Variants in ACRBP observed in about 807,000 individuals in gnomAD.
The protein encoded by ACRBP is acrosin binding protein.
In ACRBP, 52 loss-of-function variants were observed where a neutral mutation model predicts 69.0. That is an observed-to-expected ratio of 0.75 (90% confidence interval 0.60 to 0.95). The LOEUF (loss-of-function observed/expected upper bound fraction) is 0.95, where lower values mean the gene tolerates loss of function less well. ACRBP is among the 40% of genes least tolerant of loss of function. The pLI, the probability that ACRBP is intolerant of heterozygous loss-of-function variation, is 0.00. For missense variants in ACRBP, 604 were observed against 673.0 expected (o/e 0.90, Z 1.13); for synonymous variants, 267 against 258.9 (o/e 1.03, Z -0.30).
At chr12:6,646,407 C>A in intron 3 of ACRBP, 76 bp downstream of exon 3, 1 of 1,373,302 alleles carries the variant, frequency 7.3e-7, no homozygotes, top group East Asian at 2.3e-5. Flanking sequence ...TCCTGGAACC[C>A]TTCCTCAACT....
At position 6,638,943 on chromosome 12, in the gene ACRBP, G is replaced by T; in HGVS notation, c.1509+11C>A. 1 of 1,613,350 alleles carries T rather than the reference G, an allele frequency of 6.2e-7. No individual in the cohort carries two copies. Among genetic ancestry groups the T allele is most frequent in the Non-Finnish European group, 8.5e-7 (1 of 1,179,552 alleles). The stretch of plus-strand genomic sequence containing the variant: ...TGCTGGGAGAAGGAGGGGCAGGGCA[G>T]GGGTGCTCACCTTCCGATTGCGGTT... On this transcript the variant is annotated intron_variant, in intron 9 of 9. Transcript: ENST00000229243.
chr12:6,640,337 A>G lies in ACRBP; in HGVS notation c.1257+6T>C. 6.2e-7 allele frequency: 1 copy of G among 1,613,992 alleles called. No individual in the cohort carries two copies. The highest frequency in any genetic ancestry group is 8.5e-7 in the Non-Finnish European group (1 of 1,179,978). On this transcript the variant is annotated splice_donor_region_variant and intron_variant, in intron 7 of 9. Transcript: ENST00000229243. The surrounding 1 kb of genome is among the most constrained non-coding windows in gnomAD (Gnocchi z 5.3). ...CTTTCCCACTGCGGGCTGCCGGGCTAGATACCTGGTTGCCGATGGACAGGC... is the reference window on the plus strand; with the variant it reads ...CTTTCCCACTGCGGGCTGCCGGGCTGGATACCTGGTTGCCGATGGACAGGC...
intron 6 of ACRBP, among the ~76,000 whole-genome samples, chr12:6,641,197 G>C (rs1166748184): frequency 2.0e-5 from 3 of 152,176 alleles, no homozygotes; most frequent in Non-Finnish European, 4.4e-5. Flanking sequence ...GTTCTTGGAA[G>C]CTATTCTTCA....
In ACRBP at chr12:6,645,213, G is replaced by A. The variant is rs1949079097; in HGVS notation, c.475+7C>T. The A allele has an allele frequency of 8.1e-6, 13 of 1,599,408 alleles. No individual in the cohort carries two copies. The highest frequency in any genetic ancestry group is 1.1e-5 in the Non-Finnish European group (13 of 1,167,522). On this transcript the variant is annotated splice_region_variant and intron_variant, in intron 4 of 9. Transcript: ENST00000229243. Reference sequence around the variant, plus strand: ...TGGTGGTCTCCCGGCTGCTGAGAGGGTCTCACCTGTGAAGTGGGGTGAGAT... The same window carrying A: ...TGGTGGTCTCCCGGCTGCTGAGAGGATCTCACCTGTGAAGTGGGGTGAGAT...
chr12:6,640,665 C>G lies in ACRBP; in HGVS notation c.1078-143G>C, dbSNP rs145402417. On this transcript the variant is annotated intron_variant, in intron 6 of 9. Transcript: ENST00000229243. This position sits in a 1 kb window ranked among gnomAD's most constrained non-coding sequence, Gnocchi z 5.3. ...CTTCTCTGGGTTTTCTACTTGGCCTCCTCCCCAAGGGTTCCTCAAGGACCT... is the reference window on the plus strand; with the variant it reads ...CTTCTCTGGGTTTTCTACTTGGCCTGCTCCCCAAGGGTTCCTCAAGGACCT... 4.6e-5 allele frequency: 41 copies of G among 895,492 alleles called. No homozygotes were observed. The Middle Eastern group carries it at 1.1e-3, about 23-fold the overall frequency. 55.5% of individuals were successfully genotyped at this position (895,492 alleles called of 1,614,324 possible). A position where few individuals can be genotyped will look rare whatever the true frequency, so the allele number is the denominator to read the frequency against.
Position 6,646,522 on chromosome 12 carries a change from G to A in ACRBP, c.318C>T (p.Phe106=), listed in dbSNP as rs144674361. ...CGTGGTTGGAGCAACGGTAGTGAGTGAACTGGCAGAAAGACTCAAACCAGG... is the reference window on the plus strand; with the variant it reads ...CGTGGTTGGAGCAACGGTAGTGAGTAAACTGGCAGAAAGACTCAAACCAGG... The part of the protein sequence containing the change: ...YASWFESFCQ[F]THYRCSNHVY... The change falls in exon 3 of 10, where the codon TTC becomes TTT. Residue 106 remains phenylalanine (F), a synonymous_variant. Coordinates refer to ENST00000229243, the MANE Select transcript of ACRBP (RefSeq NM_032489.3). 14 of 1,613,984 alleles carry A rather than the reference G, an allele frequency of 8.7e-6. No individual in the cohort carries two copies. The African/African-American group carries it at 1.5e-4, about 17-fold the overall frequency.
Position 6,640,475 on chromosome 12 carries a change from A to T in ACRBP, c.1125T>A (p.Cys375Ter), listed in dbSNP as rs1949044944. The T allele has an allele frequency of 6.2e-7, 1 of 1,614,142 alleles. No homozygotes were observed. Among genetic ancestry groups the T allele is most frequent in the Non-Finnish European group, 8.5e-7 (1 of 1,180,008 alleles). The change falls in exon 7 of 10, where the codon TGT becomes TGA. Residue 375 changes from cysteine to a stop codon, truncating the protein, a stop_gained. Coordinates refer to ENST00000229243, the MANE Select transcript of ACRBP (RefSeq NM_032489.3). LOFTEE classifies it high-confidence loss of function. This position sits in a 1 kb window ranked among gnomAD's most constrained non-coding sequence, Gnocchi z 5.3. ...GCTCCAGCTTCAAGGAGCAGAAGTC[A>T]CAGAGGGCACAGGTAGACATGTGTC... is the stretch of plus-strand genomic sequence containing the variant. ...GRRHMSTCAL[C>*]DFCSLKLEQC...
intron 5 of ACRBP, 108 bp downstream of exon 5, chr12:6,644,029 G>T: frequency 6.7e-7 from 1 of 1,497,528 alleles, no homozygotes; most frequent in South Asian, 1.4e-5. Context: ...CTGAAGTCCA[G>T]ACAGGTCTGA....
rs1434575640 is a variant in ACRBP at position 6,646,906 on chromosome 12, C to T, written c.150G>A (p.Leu50=). 1 of 1,614,136 alleles carries T rather than the reference C, an allele frequency of 6.2e-7. No individual in the cohort carries two copies. The highest frequency in any genetic ancestry group is 8.5e-7 in the Non-Finnish European group (1 of 1,180,034). The part of the protein sequence containing the change: ...PTEYERFFAL[L]TPTWKAETTC... ...TAGTCTCTGCCTTCCAGGTTGGAGT[C>T]AGCAGTGCGAAGAAGCGTTCGTATT... The change falls in exon 2 of 10, where the codon CTG becomes CTA. Residue 50 remains leucine (L), a synonymous_variant. Coordinates refer to ENST00000229243, the MANE Select transcript of ACRBP (RefSeq NM_032489.3).
At position 6,646,459 on chromosome 12, in the gene ACRBP, TCCAA is replaced by T. The variant is rs1565393263; in HGVS notation, c.357+20_357+23del. On this transcript the variant is annotated intron_variant, in intron 3 of 9. Coordinates refer to ENST00000229243, the MANE Select transcript of ACRBP (RefSeq NM_032489.3). ...TCTCCCTTGGCCCTGGGGCACCAAA[TCCAA>T]CCTTTGTCCTGGGCCTCACCTTGGC... 1 of 1,610,712 alleles carries T rather than the reference TCCAA, an allele frequency of 6.2e-7. No homozygotes were observed. Among genetic ancestry groups the T allele is most frequent in the Admixed American group, 1.7e-5 (1 of 60,006 alleles).
rs761493407 is a variant in ACRBP at position 6,640,067 on chromosome 12, G to A, written c.1418C>T (p.Pro473Leu). 5 of 1,614,184 alleles carry A rather than the reference G, an allele frequency of 3.1e-6. No individual in the cohort carries two copies. Among genetic ancestry groups the A allele is most frequent in the Non-Finnish European group, 4.2e-6 (5 of 1,180,012 alleles). The change falls in exon 8 of 10, where the codon CCT becomes CTT. Residue 473 changes from proline to leucine, a missense_variant. Transcript: ENST00000229243. This position sits in a 1 kb window ranked among gnomAD's most constrained non-coding sequence, Gnocchi z 5.3. ...EFLSFQDGDF[P>L]TKICDTDYIQ... ...TTGGGGAAAGGTTCTAACCTTGGTA[G>A]GGAAATCCCCATCCTGGAAGCTAAG...
chr12:6,644,827 C>T (rs1359612806), intron 4 of ACRBP, among the ~76,000 whole-genome samples: 1 of 152,194 alleles, frequency 6.6e-6, no homozygotes, highest in Non-Finnish European at 1.5e-5. Flanking sequence ...GGCAAGCACT[C>T]CTCCTTCCCT....
intron 5 of ACRBP, 153 bp downstream of exon 5, chr12:6,643,984 G>T: frequency 7.2e-7 from 1 of 1,396,280 alleles, no homozygotes; most frequent in East Asian, 2.5e-5. Flanking sequence ...AGCCAACAAT[G>T]GGCACAGAAT....
Position 6,644,623 on chromosome 12 carries a change from G to T in ACRBP, c.476-18C>A. 1 of 1,588,324 alleles carries T rather than the reference G, an allele frequency of 6.3e-7. No homozygotes were observed. The highest frequency in any genetic ancestry group is 8.6e-7 in the Non-Finnish European group (1 of 1,168,238). On this transcript the variant is annotated intron_variant, in intron 4 of 9. Coordinates refer to ENST00000229243, the MANE Select transcript of ACRBP (RefSeq NM_032489.3). ...TTCTGTCACTACAGCAGGGTTTAGA[G>T]AGAAGGGAGAGAGACAGTCAGGCTT...
intron 6 of ACRBP, among the ~76,000 whole-genome samples, chr12:6,641,489 C>T (rs1284226522): frequency 6.6e-6 from 1 of 152,172 alleles, no homozygotes; most frequent in Non-Finnish European, 1.5e-5. Context: ...CGTCATGACC[C>T]TGTTGATCTC....
Position 6,645,324 on chromosome 12 carries a change from G to C in ACRBP, c.371C>G (p.Ser124Cys), listed in dbSNP as rs778287779. ...HVYYAKRVLC[S>C]QPVSILSPNT... ...AGGTGAGAGAATAGAGACTGGCTGG[G>C]AACACAGGACTCTCTGCAGGAAGAG... is the stretch of plus-strand genomic sequence containing the variant. The change falls in exon 4 of 10, where the codon TCC (serine) becomes TGC (cysteine). Residue 124 changes from serine (S) to cysteine (C), a missense_variant. Ser to Cys is a moderately radical substitution (Grantham distance 112, BLOSUM62 -1). Around this residue, in one of 3 missense-constraint regions of ACRBP, gnomAD observed 532 missense variants for 562.9 expected, o/e 0.95. Coordinates refer to ENST00000229243, the MANE Select transcript of ACRBP (RefSeq NM_032489.3). The C allele has an allele frequency of 3.1e-6, 5 of 1,613,234 alleles. No homozygotes were observed. Among genetic ancestry groups the C allele is most frequent in the East Asian group, 2.2e-5 (1 of 44,882 alleles).
rs1377102670 is a variant in ACRBP, at chr12:6,639,021, T to C, written c.1442A>G (p.Tyr481Cys). Residue 481 changes from tyrosine to cysteine, a missense_variant, in exon 9 of 10, where the codon TAT becomes TGT. By Grantham distance (194) the Tyr-to-Cys change is radical (BLOSUM62 -2). Around this residue, in one of 3 missense-constraint regions of ACRBP, gnomAD observed 21 missense variants for 50.0 expected, o/e 0.42. Coordinates refer to ENST00000229243, the MANE Select transcript of ACRBP (RefSeq NM_032489.3). ...GGAACAGTAGTTTGGGTACTGGATA[T>C]AGTCTGTGTCACAAATCTAAGCCAA... ...DFPTKICDTDYIQYPNYCSFK... is the reference protein window; with the variant it reads ...DFPTKICDTDCIQYPNYCSFK... 2 of 1,614,126 alleles carry C rather than the reference T, an allele frequency of 1.2e-6. No individual in the cohort carries two copies. The highest frequency in any genetic ancestry group is 3.3e-5 in the Admixed American group (2 of 60,024).
chr12:6,644,716 T>C (rs1361655753), intron 4 of ACRBP, 111 bp from the exon 5 acceptor site: 10 of 1,451,830 alleles, frequency 6.9e-6, no homozygotes, highest in African/African-American at 2.8e-5. Flanking sequence ...GTCACACTTA[T>C]ACACACAGAA....
At chr12:6,638,563 C>A in intron 9 of ACRBP, 159 bp from the exon 10 acceptor site, 1 of 1,243,530 alleles carries the variant, frequency 8.0e-7, no homozygotes. Flanking sequence ...TTTTTAAAGC[C>A]AGAGGAGACA....
Sources: allele counts gnomAD v4.1 joint callset (sites outside exome capture counted in the v4.1 genomes callset), GRCh38; gene constraint gnomAD v4.1.1; regional missense constraint gnomAD v4.1.1; non-coding constraint Gnocchi (gnomAD v3.1); transcripts MANE v1.5; gene names NCBI Gene and HGNC (gene_info 2026-07-23, HGNC 2026-07-21).